The following PCDH17 variants were observed in gnomAD, a reference collection of about 807,000 sequenced individuals.
PCDH17 encodes protocadherin 17.
Under a neutral mutation model 67.7 loss-of-function variants are expected in PCDH17, and 21 were observed. The observed-to-expected ratio is 0.31, with a 90% CI of 0.22 to 0.45. The LOEUF (loss-of-function observed/expected upper bound fraction) is 0.45. Among genes scored for constraint, PCDH17 ranks in the 20% least tolerant of loss-of-function variants. The pLI is 1.00. For missense variants in PCDH17, 1,471 were observed against 1,564.8 expected, an observed-to-expected ratio of 0.94 and a Z score of 1.01; for synonymous variants, 701 against 656.7, an observed-to-expected ratio of 1.07 and a Z score of -1.03.
intron 1 of PCDH17, among the ~76,000 whole-genome samples, chr13:57,664,345 ATG>A (rs1027391030): frequency 6.6e-5 from 10 of 152,154 alleles, no homozygotes; most frequent in African/African-American, 1.9e-4. Context: ...GCATAAATAC[ATG>A]TGTGTGTACA....
intron 3 of PCDH17, among the ~76,000 whole-genome samples, chr13:57,695,831 A>G (rs1955601738): frequency 6.6e-6 from 1 of 151,452 alleles, no homozygotes; most frequent in Admixed American, 6.6e-5. Context: ...TTACTAAAAA[A>G]CAAATCATGG....
At position 57,636,779 on chromosome 13, in the gene PCDH17, A is replaced by T. The variant is rs571427866; in HGVS notation, c.2565+1668A>T. Among the ~76,000 whole-genome samples the T allele has an allele frequency of 2.6e-5, 4 of 152,280 alleles. No homozygotes were observed. In the East Asian group the frequency reaches 7.7e-4, roughly 29 times the overall value. On this transcript the variant is annotated intron_variant, in intron 1 of 3. Coordinates refer to ENST00000377918, the MANE Select transcript of PCDH17 (RefSeq NM_001040429.3). ...TTTGCTACAGTCATTTTATAAATACACATATGTTAAATACCTTTCTTATAT... is the reference window on the plus strand; with the variant it reads ...TTTGCTACAGTCATTTTATAAATACTCATATGTTAAATACCTTTCTTATAT...
intron 3 of PCDH17, among the ~76,000 whole-genome samples, chr13:57,675,956 A>T (rs1955387076): frequency 6.6e-6 from 1 of 151,880 alleles, no homozygotes; most frequent in Admixed American, 6.6e-5. Flanking sequence ...GCGATTAAAA[A>T]CTTGTTTTGA....
intron 1 of PCDH17, among the ~76,000 whole-genome samples, chr13:57,661,963 G>A (rs56870250): frequency 0.03 from 4,525 of 152,174 alleles, 220 homozygotes; most frequent in African/African-American, 0.097. Flanking sequence ...GGATTCAAGC[G>A]ATTCTCGTGC....
chr13:57,724,562 T>G, intron 3 of PCDH17, 50 bp from the exon 4 acceptor site: 1 of 1,486,438 alleles, frequency 6.7e-7, no homozygotes, highest in Non-Finnish European at 9.2e-7. Context: ...TGTAGAAATT[T>G]AAAGAAAACT....
chr13:57,671,832 G>A (rs1003740864), intron 3 of PCDH17, among the ~76,000 whole-genome samples: 24 of 151,958 alleles, frequency 1.6e-4, no homozygotes, highest in African/African-American at 4.3e-4. Context: ...CAGAAGTGGC[G>A]GTGGGATCAT....
chr13:57,672,341 G>A (rs545144572), intron 3 of PCDH17, among the ~76,000 whole-genome samples: 2 of 152,086 alleles, frequency 1.3e-5, no homozygotes, highest in African/African-American at 4.8e-5. Context: ...GTTTAAATGA[G>A]GGCAGTATTT....
At chr13:57,708,918 T>C (rs1047237067) in intron 3 of PCDH17, among the ~76,000 whole-genome samples, 5 of 152,042 alleles carry the variant, frequency 3.3e-5, no homozygotes, top group African/African-American at 1.2e-4. Context: ...TATTCTTTTT[T>C]TGTTTGTTTT....
At chr13:57,717,407 G>A (rs557317765) in intron 3 of PCDH17, among the ~76,000 whole-genome samples, 1 of 151,914 alleles carries the variant, frequency 6.6e-6, no homozygotes, top group Admixed American at 6.6e-5. Context: ...GTTCACCTTA[G>A]AGCGTTATCT....
intron 3 of PCDH17, among the ~76,000 whole-genome samples, chr13:57,723,880 G>A (rs1421866938): frequency 2.0e-5 from 3 of 152,068 alleles, no homozygotes; most frequent in African/African-American, 7.2e-5. Context: ...TTTAAAATGG[G>A]AAATCATGAT....
intron 3 of PCDH17, among the ~76,000 whole-genome samples, chr13:57,700,933 G>A (rs1399708314): frequency 1.3e-5 from 2 of 152,020 alleles, no homozygotes; most frequent in African/African-American, 2.4e-5. Flanking sequence ...GGAGGTTGAG[G>A]CAGGAGGAAC....
intron 1 of PCDH17, among the ~76,000 whole-genome samples, chr13:57,664,883 G>T (rs1305918299): frequency 6.6e-6 from 1 of 152,046 alleles, no homozygotes; most frequent in African/African-American, 2.4e-5. Flanking sequence ...AACTTTACTA[G>T]AAAATCAAGT....
At chr13:57,640,588 A>G (rs2137982165) in intron 1 of PCDH17, among the ~76,000 whole-genome samples, 1 of 152,146 alleles carries the variant, frequency 6.6e-6, no homozygotes, top group South Asian at 2.1e-4. Context: ...AAGTCCCATA[A>G]AATAGAGCTA....
intron 3 of PCDH17, among the ~76,000 whole-genome samples, chr13:57,696,525 G>A (rs1451079886): frequency 3.4e-5 from 5 of 148,072 alleles, no homozygotes; most frequent in South Asian, 4.2e-4. Context: ...TATACTGTTC[G>A]CAAAAAAAAT....
chr13:57,630,590 A>C (rs1593883072), upstream of PCDH17, among the ~76,000 whole-genome samples: 1 of 152,176 alleles, frequency 6.6e-6, no homozygotes, highest in African/African-American at 2.4e-5. Context: ...TAAATAAACC[A>C]ATACACCTAG....
rs549900837 is a variant in PCDH17 at position 57,722,212 on chromosome 13, G to T, written c.2798-2400G>T. Among the ~76,000 whole-genome samples, 2 of 152,218 alleles carry T rather than the reference G, an allele frequency of 1.3e-5. 1 individual carries two copies. Among genetic ancestry groups the T allele is most frequent in the East Asian group, 3.9e-4 (2 of 5,176 alleles). On this transcript the variant is annotated intron_variant, in intron 3 of 3. Transcript: ENST00000377918. ...TCAAGGTCGATTTACACTTTCATAC[G>T]TCTGCATTATTCTTTCTTTTTCTGT... is the stretch of plus-strand genomic sequence containing the variant.
chr13:57,649,699 G>T (rs773798280), intron 1 of PCDH17, among the ~76,000 whole-genome samples: 33 of 152,052 alleles, frequency 2.2e-4, no homozygotes, highest in Non-Finnish European at 3.5e-4. Context: ...GCAATAATAG[G>T]AGAGCATATT....
At chr13:57,694,246 T>C (rs1011281637) in intron 3 of PCDH17, among the ~76,000 whole-genome samples, 1 of 151,236 alleles carries the variant, frequency 6.6e-6, no homozygotes, top group African/African-American at 2.4e-5. Flanking sequence ...CCAATGGACC[T>C]GAGTTCTGTT....
At chr13:57,691,866 C>T (rs936164828) in intron 3 of PCDH17, among the ~76,000 whole-genome samples, 1 of 151,056 alleles carries the variant, frequency 6.6e-6, no homozygotes, top group African/African-American at 2.4e-5. Flanking sequence ...TATTGTTATG[C>T]TGACTAATAA....
Sources: gnomAD v4.1 joint callset for allele counts (sites outside exome capture counted in the v4.1 genomes callset) on GRCh38, gnomAD v4.1.1 for gene constraint, MANE v1.5 for transcripts, NCBI Gene and HGNC (gene_info 2026-07-23, HGNC 2026-07-21) for gene names.